FLVCR2: variants seen among roughly 807,000 people sequenced by gnomAD.
FLVCR2 encodes choline/ethanolamine transporter FLVCR2.
In FLVCR2, 38 loss-of-function variants were observed where a neutral mutation model predicts 48.9. The ratio of observed to expected loss-of-function variants is 0.78; its 90% confidence interval spans 0.60 to 1.02. The LOEUF (loss-of-function observed/expected upper bound fraction) is 1.02. Ranked by LOEUF, FLVCR2 falls within the 50% of genes least tolerant of loss-of-function variation. The pLI is 0.00. For missense variants in FLVCR2, 664 were observed against 663.3 expected, an observed-to-expected ratio of 1.00 and a Z score of -0.01; for synonymous variants, 255 against 257.0, an observed-to-expected ratio of 0.99 and a Z score of 0.07.
At position 75,639,340 on chromosome 14, in the gene FLVCR2, C is replaced by T; in HGVS notation, c.1125-12C>T. On this transcript the variant is annotated splice_polypyrimidine_tract_variant and intron_variant, in intron 5 of 9. Transcript: ENST00000238667. The stretch of plus-strand genomic sequence containing the variant: ...GAAGTGTTTGATTCAATTTCTTTGC[C>T]TCTACTTGTAGAGAGACAACCCTGG... 1.3e-6 allele frequency: 2 copies of T among 1,564,234 alleles called. No individual in the cohort carries two copies. The highest frequency in any genetic ancestry group is 1.7e-5 in the Admixed American group (1 of 59,958).
rs556431390 is a variant in FLVCR2 at position 75,648,143 on chromosome 14, C to T, written c.*1671C>T. On this transcript the variant is annotated 3_prime_UTR_variant, in exon 10 of 10. Transcript: ENST00000238667. ...TTTCTATTTGTAAGATCTGACATTTCGAGGCAATAAAAACTTCTCAGAAAG... is the reference window on the plus strand; with the variant it reads ...TTTCTATTTGTAAGATCTGACATTTTGAGGCAATAAAAACTTCTCAGAAAG... The T allele has an allele frequency of 2.6e-5, 4 of 152,702 alleles. No homozygotes were observed. Among genetic ancestry groups the T allele is most frequent in the South Asian group, 2.1e-4 (1 of 4,820 alleles). The allele number at this position is 152,702 out of a possible 1,614,324, so 9.5% of individuals were successfully genotyped here.
intron 3 of FLVCR2, 55 bp from the exon 4 acceptor site, chr14:75,633,574 A>C: frequency 7.2e-7 from 1 of 1,391,172 alleles, no homozygotes. Context: ...AGAAGTTAGC[A>C]ATGGCCCCAG....
intron 1 of FLVCR2, among the ~76,000 whole-genome samples, chr14:75,603,911 C>T (rs569417437): frequency 2.0e-5 from 3 of 152,322 alleles, no homozygotes; most frequent in East Asian, 3.9e-4. Flanking sequence ...TTCACTGACA[C>T]ATCTGTCCTG....
At chr14:75,641,343 C>A in intron 8 of FLVCR2, 50 bp downstream of exon 8, 1 of 1,257,134 alleles carries the variant, frequency 8.0e-7, no homozygotes, top group Non-Finnish European at 1.2e-6. Context: ...CCATTTGGGA[C>A]CCTAGTGTCT....
chr14:75,633,241 G>A lies in FLVCR2; in HGVS notation c.953-388G>A, dbSNP rs535855227. Among the ~76,000 whole-genome samples the A allele has an allele frequency of 2.6e-4, 39 of 152,238 alleles. No homozygotes were observed. The South Asian group carries it at 6.2e-3, about 24-fold the overall frequency. On this transcript the variant is annotated intron_variant, in intron 3 of 9. Coordinates refer to ENST00000238667, the MANE Select transcript of FLVCR2 (RefSeq NM_017791.3). ...AGAGGTCTGGAGCAGCCTCAAGAAG[G>A]GGCAGGGTCATCAGGAAGAGGAGGG...
chr14:75,619,161 AG>A, intron 1 of FLVCR2, among the ~76,000 whole-genome samples: 1 of 152,240 alleles, frequency 6.6e-6, no homozygotes, highest in Admixed American at 6.5e-5. Flanking sequence ...GAGGCGGCAG[AG>A]GTTGCAGTGA....
At chr14:75,590,161 C>T (rs1456269016) in intron 1 of FLVCR2, among the ~76,000 whole-genome samples, 1 of 152,130 alleles carries the variant, frequency 6.6e-6, no homozygotes. Flanking sequence ...CTAGGGACAT[C>T]CTAGCTTTAT....
At chr14:75,639,213 A>G in intron 5 of FLVCR2, 139 bp from the exon 6 acceptor site, 1 of 710,960 alleles carries the variant, frequency 1.4e-6, no homozygotes, top group South Asian at 1.5e-5. Flanking sequence ...ACTGTCTCTG[A>G]AAACAAAACA....
At chr14:75,612,201 C>T (rs1023906483) in intron 1 of FLVCR2, among the ~76,000 whole-genome samples, 36 of 152,294 alleles carry the variant, frequency 2.4e-4, no homozygotes, top group Non-Finnish European at 8.8e-5. Context: ...TATCAGCTCT[C>T]ATCGCTATTA....
chr14:75,617,011 A>C (rs907754410), intron 1 of FLVCR2, among the ~76,000 whole-genome samples: 13 of 152,198 alleles, frequency 8.5e-5, no homozygotes, highest in Non-Finnish European at 1.6e-4. Context: ...TTAGGAGGGC[A>C]TCTGTGTGCT....
intron 1 of FLVCR2, among the ~76,000 whole-genome samples, chr14:75,616,592 G>A (rs1889624364): frequency 6.6e-6 from 1 of 152,158 alleles, no homozygotes; most frequent in African/African-American, 2.4e-5. Context: ...TGAAATCTAA[G>A]GGAACATGTC....
intron 1 of FLVCR2, among the ~76,000 whole-genome samples, chr14:75,580,781 C>CA (rs1888578078): frequency 6.6e-6 from 1 of 151,850 alleles, no homozygotes; most frequent in Non-Finnish European, 1.5e-5. Context: ...TAGGGTGGGG[C>CA]GAAACAAATC....
chr14:75,638,903 T>G (rs1890234200), intron 5 of FLVCR2, among the ~76,000 whole-genome samples: 1 of 152,130 alleles, frequency 6.6e-6, no homozygotes, highest in African/African-American at 2.4e-5. Flanking sequence ...GGAGAGAAAG[T>G]TCTATGAAAG....
chr14:75,587,668 A>G (rs1229664797), intron 1 of FLVCR2, among the ~76,000 whole-genome samples: 1 of 152,232 alleles, frequency 6.6e-6, no homozygotes, highest in Non-Finnish European at 1.5e-5. Flanking sequence ...TTTTAGCAAC[A>G]CTTGTAGCAT....
intron 1 of FLVCR2, among the ~76,000 whole-genome samples, chr14:75,616,398 G>A (rs765388656): frequency 2.6e-5 from 4 of 152,064 alleles, no homozygotes; most frequent in Non-Finnish European, 5.9e-5. Context: ...CCCCAGATTA[G>A]GTCATAAAGG....
chr14:75,638,749 A>T (rs1169941673), intron 5 of FLVCR2, among the ~76,000 whole-genome samples: 1 of 152,132 alleles, frequency 6.6e-6, no homozygotes, highest in Non-Finnish European at 1.5e-5. Context: ...GATATTGTTG[A>T]GTGGGTTCTA....
At chr14:75,640,405 T>TTGTGTG (rs10562124) in intron 6 of FLVCR2, among the ~76,000 whole-genome samples, 51 of 148,486 alleles carry the variant, frequency 3.4e-4, no homozygotes, top group African/African-American at 1.1e-3. Context: ...ATATGAGTGT[T>TTGTGTG]TGTGTGTGTG....
At chr14:75,627,300 G>A (rs866084582) in intron 3 of FLVCR2, among the ~76,000 whole-genome samples, 4 of 149,730 alleles carry the variant, frequency 2.7e-5, no homozygotes, top group African/African-American at 5.1e-5. Flanking sequence ...TAGAAAATCC[G>A]CTCCTCTATA....
At chr14:75,590,908 A>T (rs576096213) in intron 1 of FLVCR2, among the ~76,000 whole-genome samples, 1 of 152,324 alleles carries the variant, frequency 6.6e-6, no homozygotes, top group Non-Finnish European at 1.5e-5. Flanking sequence ...GGAATAATAC[A>T]CTTGTTTCAG....
Sources: allele counts gnomAD v4.1 joint callset (sites outside exome capture counted in the v4.1 genomes callset), GRCh38; gene constraint gnomAD v4.1.1; transcripts MANE v1.5; gene names NCBI Gene and HGNC (gene_info 2026-07-23, HGNC 2026-07-21).